Variants in DNAH14 observed in about 807,000 individuals in gnomAD.
DNAH14 encodes the protein axonemal beta dynein heavy chain 14.
Under a neutral mutation model 520.9 loss-of-function variants are expected in DNAH14, and 478 were observed. The ratio of observed to expected loss-of-function variants is 0.92; its 90% confidence interval spans 0.85 to 0.99. The LOEUF (loss-of-function observed/expected upper bound fraction) is 0.99. Among genes scored for constraint, DNAH14 ranks in the 50% least tolerant of loss-of-function variants. The pLI is 0.00. For missense variants in DNAH14, 4,831 were observed against 5,234.5 expected (o/e 0.92, Z 2.38); for synonymous variants, 1,581 against 1,757.2 (o/e 0.90, Z 2.51).
intron 41 of DNAH14, among the ~76,000 whole-genome samples, chr1:225,211,222 T>C (rs1418850188): frequency 6.6e-6 from 1 of 152,206 alleles, no homozygotes; most frequent in East Asian, 1.9e-4. Context: ...TACAGGAGCA[T>C]GTTCCAACCC....
intron 50 of DNAH14, 112 bp from the exon 51 acceptor site, chr1:225,271,794 T>C: frequency 4.9e-6 from 4 of 812,492 alleles, no homozygotes; most frequent in South Asian, 2.0e-5. Flanking sequence ...TAACATTTAA[T>C]GAAATTAATC....
chr1:225,220,493 G>A (rs929939441), intron 41 of DNAH14, among the ~76,000 whole-genome samples: 1 of 152,136 alleles, frequency 6.6e-6, no homozygotes, highest in African/African-American at 2.4e-5. Flanking sequence ...AAAATCACAA[G>A]CATTCTTCTA....
At chr1:225,033,144 T>A (rs902736422) in intron 11 of DNAH14, among the ~76,000 whole-genome samples, 5 of 152,284 alleles carry the variant, frequency 3.3e-5, no homozygotes, top group African/African-American at 1.2e-4. Context: ...CATCATTAAA[T>A]CTTTGCCCAT....
intron 10 of DNAH14, among the ~76,000 whole-genome samples, chr1:225,013,726 A>G (rs973958920): frequency 6.6e-6 from 1 of 152,142 alleles, no homozygotes. Context: ...TGCCCAGTCC[A>G]AACTTCCCAG....
In DNAH14 at chr1:225,335,717, GCA is replaced by G. The variant is rs1558434919; in HGVS notation, c.10081-1548_10081-1547del. ...TACATATGTGCATATATGTATATAC[GCA>G]TATATACATATGTGCATATATGTAT... On this transcript the variant is annotated intron_variant, in intron 66 of 85. Transcript: ENST00000682510. Among the ~76,000 whole-genome samples, 6 of 23,398 alleles carry G rather than the reference GCA, an allele frequency of 2.6e-4. 1 individual carries two copies. Among genetic ancestry groups the G allele is most frequent in the Non-Finnish European group, 7.2e-5 (1 of 13,932 alleles). The allele number at this position is 23,398 out of a possible 152,430, so 15.3% of individuals were successfully genotyped here. A position where few individuals can be genotyped will look rare whatever the true frequency, so the allele number is the denominator to read the frequency against.
intron 11 of DNAH14, 42 bp from the exon 12 acceptor site, chr1:225,038,652 A>C: frequency 6.7e-7 from 1 of 1,499,964 alleles, no homozygotes; most frequent in East Asian, 2.5e-5. Context: ...GTAGATATAA[A>C]TGATTTTTAA....
chr1:225,319,533 A>G (rs943703616), intron 61 of DNAH14, among the ~76,000 whole-genome samples: 1 of 152,198 alleles, frequency 6.6e-6, no homozygotes, highest in Non-Finnish European at 1.5e-5. Context: ...TTTGATCAAT[A>G]TATTTTTATG....
intron 10 of DNAH14, among the ~76,000 whole-genome samples, chr1:225,011,391 G>A (rs1347619488): frequency 6.6e-6 from 1 of 151,608 alleles, no homozygotes; most frequent in East Asian, 1.9e-4. Context: ...ACTATATGGT[G>A]CTGAGAAGAA....
At chr1:225,138,853 C>T (rs954995677) in intron 27 of DNAH14, among the ~76,000 whole-genome samples, 37 of 152,062 alleles carry the variant, frequency 2.4e-4, no homozygotes, top group Admixed American at 5.2e-4. Flanking sequence ...TATTCATTCC[C>T]GATGCGAGAA....
intron 41 of DNAH14, 58 bp downstream of exon 41, chr1:225,207,278 C>T: frequency 7.1e-7 from 1 of 1,400,492 alleles, no homozygotes; most frequent in African/African-American, 1.5e-5. Context: ...AATGCTAATT[C>T]ATCACCGTCT....
chr1:224,964,513 T>C lies in DNAH14; in HGVS notation c.402T>C (p.Ile134=), dbSNP rs1242881005. The change falls in exon 5 of 86, where the codon ATT becomes ATC. Residue 134 remains isoleucine, a synonymous_variant. Transcript: ENST00000682510. ...PKDDDVIRNI[I]RLREKLGWQT... ...ATGATGATGTGATAAGAAATATTAT[T>C]AGGCTACGAGAAAAGCTTGGTTGGC... The C allele has an allele frequency of 1.9e-6, 3 of 1,609,892 alleles. No homozygotes were observed. The highest frequency in any genetic ancestry group is 2.2e-5 in the South Asian group (2 of 90,308).
At chr1:224,978,550 A>G (rs998811644) in intron 8 of DNAH14, among the ~76,000 whole-genome samples, 1 of 152,152 alleles carries the variant, frequency 6.6e-6, no homozygotes, top group Non-Finnish European at 1.5e-5. Flanking sequence ...TAACAGATAG[A>G]TGGGAGGAAT....
At chr1:225,272,503 A>G (rs1270201994) in intron 51 of DNAH14, among the ~76,000 whole-genome samples, 7 of 152,252 alleles carry the variant, frequency 4.6e-5, no homozygotes, top group Non-Finnish European at 7.3e-5. Context: ...AAGAAAATCA[A>G]TTCTTGAATT....
chr1:225,041,115 C>T (rs1035077551), intron 12 of DNAH14, among the ~76,000 whole-genome samples: 11 of 152,216 alleles, frequency 7.2e-5, no homozygotes, highest in African/African-American at 2.2e-4. Context: ...AGCAGACTGC[C>T]ACTAAGGTGG....
chr1:225,184,462 A>G (rs558615545), intron 36 of DNAH14, among the ~76,000 whole-genome samples: 1 of 152,204 alleles, frequency 6.6e-6, no homozygotes, highest in South Asian at 2.1e-4. Context: ...TCTACTAAAA[A>G]TAAAATAATT....
At chr1:224,941,286 T>C (rs1253407805) in intron 1 of DNAH14, among the ~76,000 whole-genome samples, 1 of 152,202 alleles carries the variant, frequency 6.6e-6, no homozygotes, top group Non-Finnish European at 1.5e-5. Flanking sequence ...TGAGCATTTT[T>C]TCATGTGTCT....
intron 75 of DNAH14, among the ~76,000 whole-genome samples, chr1:225,361,170 T>TATAAGC (rs2095488405): frequency 6.6e-6 from 1 of 152,244 alleles, no homozygotes; most frequent in African/African-American, 2.4e-5. Context: ...TCAATAGATA[T>TATAAGC]ATAAGCATAC....
At chr1:225,264,339 C>A in intron 47 of DNAH14, 78 bp downstream of exon 47, 1 of 1,112,276 alleles carries the variant, frequency 9.0e-7, no homozygotes, top group Non-Finnish European at 1.3e-6. Flanking sequence ...TTCTTACATT[C>A]ATGGATCTCA....
chr1:225,258,018 A>G lies in DNAH14; in HGVS notation c.6924A>G (p.Glu2308=), dbSNP rs1484743727. 3 of 1,550,086 alleles carry G rather than the reference A, an allele frequency of 1.9e-6. No individual in the cohort carries two copies. The Admixed American group carries it at 5.9e-5, about 31-fold the overall frequency. Residue 2308 remains glutamate (E), a synonymous_variant, in exon 45 of 86, where the codon GAA becomes GAG. Transcript: ENST00000682510. ...RSGGNFLKIT[E]CGECINYTAT... ...GCGGAAACTTCTTGAAGATAACAGA[A>G]TGTGGAGAATGCATTAATTATACCG...
Sources: allele counts gnomAD v4.1 joint callset (sites outside exome capture counted in the v4.1 genomes callset), GRCh38; gene constraint gnomAD v4.1.1; transcripts MANE v1.5; gene names NCBI Gene and HGNC (gene_info 2026-07-23, HGNC 2026-07-21).